The following TMEM178B variants were observed in gnomAD, a reference collection of about 807,000 sequenced individuals.
The protein encoded by TMEM178B is transmembrane protein 178B.
A neutral mutation model predicts 31.0 loss-of-function variants in TMEM178B; 5 were observed. That is an observed-to-expected ratio of 0.16 (90% confidence interval 0.08 to 0.34). The LOEUF (loss-of-function observed/expected upper bound fraction) is 0.34. Among genes scored for constraint, TMEM178B ranks in the 10% least tolerant of loss-of-function variants. TMEM178B has a pLI of 1.00. For missense variants in TMEM178B, 275 were observed against 400.3 expected (o/e 0.69, Z 2.67); for synonymous variants, 164 against 164.0 (o/e 1.00, Z 0.00).
chr7:141,084,667 C>T (rs1473794430), intron 1 of TMEM178B, among the ~76,000 whole-genome samples: 1 of 152,064 alleles, frequency 6.6e-6, no homozygotes, highest in Non-Finnish European at 1.5e-5. Flanking sequence ...AAGTTATGAG[C>T]CCCGACTAGG....
At chr7:141,190,494 A>G (rs1199326410) in intron 1 of TMEM178B, among the ~76,000 whole-genome samples, 1 of 151,262 alleles carries the variant, frequency 6.6e-6, no homozygotes, top group East Asian at 1.9e-4. Context: ...TTTTTTATAT[A>G]GAGATGAAGG....
chr7:141,257,930 T>C (rs1020757898), intron 2 of TMEM178B, among the ~76,000 whole-genome samples: 1 of 151,790 alleles, frequency 6.6e-6, no homozygotes, highest in Non-Finnish European at 1.5e-5. Context: ...CCTTACTTCC[T>C]TTTTTGTTTA....
intron 1 of TMEM178B, among the ~76,000 whole-genome samples, chr7:141,100,033 A>C (rs1419702485): frequency 1.3e-5 from 2 of 151,906 alleles, no homozygotes; most frequent in Non-Finnish European, 2.9e-5. Context: ...GTTAGCCAGG[A>C]TGGTCTCGAT....
At chr7:141,435,256 T>G (rs1489084187) in intron 2 of TMEM178B, among the ~76,000 whole-genome samples, 2 of 152,242 alleles carry the variant, frequency 1.3e-5, no homozygotes, top group African/African-American at 2.4e-5. Context: ...GATTAAATAC[T>G]TAAACGCAAA....
intron 1 of TMEM178B, among the ~76,000 whole-genome samples, chr7:141,102,244 A>G (rs989367278): frequency 1.3e-5 from 2 of 152,206 alleles, no homozygotes; most frequent in African/African-American, 4.8e-5. Context: ...CGATAGAGAA[A>G]GTACTGTTTT....
At chr7:141,241,726 A>G (rs1036896493) in intron 2 of TMEM178B, among the ~76,000 whole-genome samples, 1 of 152,086 alleles carries the variant, frequency 6.6e-6, no homozygotes, top group Non-Finnish European at 1.5e-5. Context: ...CCTTCAGAAT[A>G]GGCCTGGCTA....
intron 1 of TMEM178B, among the ~76,000 whole-genome samples, chr7:141,124,805 A>G (rs1795463312): frequency 6.6e-6 from 1 of 152,238 alleles, no homozygotes; most frequent in Non-Finnish European, 1.5e-5. Context: ...AAAAAAACAT[A>G]CACTGTGTGA....
At chr7:141,263,851 G>A (rs1019452743) in intron 2 of TMEM178B, among the ~76,000 whole-genome samples, 12 of 152,216 alleles carry the variant, frequency 7.9e-5, no homozygotes, top group African/African-American at 2.7e-4. Flanking sequence ...TCTGTAGAAG[G>A]ATGCATAGAA....
chr7:141,439,611 G>A (rs950420312), intron 3 of TMEM178B, among the ~76,000 whole-genome samples: 7 of 152,220 alleles, frequency 4.6e-5, no homozygotes, highest in Non-Finnish European at 8.8e-5. Flanking sequence ...GAGCAGCTCT[G>A]TTTGTAGTGA....
intron 2 of TMEM178B, among the ~76,000 whole-genome samples, chr7:141,279,412 G>A (rs369345916): frequency 3.3e-5 from 5 of 152,136 alleles, no homozygotes; most frequent in African/African-American, 9.7e-5. Flanking sequence ...GTAATAAGCT[G>A]GCACTCCTTT....
At chr7:141,384,755 A>G (rs972246089) in intron 2 of TMEM178B, among the ~76,000 whole-genome samples, 1 of 152,200 alleles carries the variant, frequency 6.6e-6, no homozygotes, top group African/African-American at 2.4e-5. Flanking sequence ...TCTGTGAAGA[A>G]AGTCATTGGT....
At chr7:141,245,608 C>T (rs1419935546) in intron 2 of TMEM178B, among the ~76,000 whole-genome samples, 1 of 152,210 alleles carries the variant, frequency 6.6e-6, no homozygotes, top group Non-Finnish European at 1.5e-5. Flanking sequence ...CCTGCAAACT[C>T]TCTCATTTCT....
downstream of TMEM178B, among the ~76,000 whole-genome samples, chr7:141,484,554 T>TTTTG (rs201262311): frequency 2.4e-4 from 36 of 152,200 alleles, no homozygotes; most frequent in Non-Finnish European, 3.7e-4. This position sits in a 1 kb window ranked among gnomAD's most constrained non-coding sequence, Gnocchi z 4.8. Flanking sequence ...AGGTTTTTGT[T>TTTTG]TTTGTTTGTT....
chr7:141,174,159 G>A (rs979239852), intron 1 of TMEM178B, among the ~76,000 whole-genome samples: 1 of 151,706 alleles, frequency 6.6e-6, no homozygotes, highest in African/African-American at 2.4e-5. Context: ...TCCCCTCCCT[G>A]TGTCCATGTG....
intron 2 of TMEM178B, among the ~76,000 whole-genome samples, chr7:141,313,427 C>T (rs1439808888): frequency 1.3e-5 from 2 of 152,196 alleles, no homozygotes; most frequent in Non-Finnish European, 2.9e-5. Context: ...GATCTGTCTC[C>T]TTTCCCTTGA....
At chr7:141,400,783 T>TG (rs1204803831) in intron 2 of TMEM178B, among the ~76,000 whole-genome samples, 7 of 151,948 alleles carry the variant, frequency 4.6e-5, no homozygotes, top group Non-Finnish European at 4.4e-5. Context: ...AGTAGTAGAG[T>TG]GGGGAAGTAT....
At chr7:141,287,032 G>C (rs1231067039) in intron 2 of TMEM178B, among the ~76,000 whole-genome samples, 2 of 152,052 alleles carry the variant, frequency 1.3e-5, no homozygotes, top group Non-Finnish European at 2.9e-5. Flanking sequence ...TCTCTTTTGG[G>C]TCTAGTCTCA....
intron 2 of TMEM178B, among the ~76,000 whole-genome samples, chr7:141,331,134 T>TA (rs1259117798): frequency 2.0e-5 from 3 of 152,174 alleles, no homozygotes; most frequent in African/African-American, 7.2e-5. Flanking sequence ...GTGGAGCTAT[T>TA]AAGTAGGCAA....
At chr7:141,229,135 CTT>C (rs1563125056) in intron 2 of TMEM178B, among the ~76,000 whole-genome samples, 1 of 100,580 alleles carries the variant, frequency 9.9e-6, no homozygotes, top group Non-Finnish European at 2.2e-5. Flanking sequence ...GTGTGTGAAA[CTT>C]TTTTTTCATG....
Sources: gnomAD v4.1 joint callset for allele counts (sites outside exome capture counted in the v4.1 genomes callset) on GRCh38, gnomAD v4.1.1 for gene constraint, Gnocchi (gnomAD v3.1) non-coding constraint, MANE v1.5 for transcripts, NCBI Gene and HGNC (gene_info 2026-07-23, HGNC 2026-07-21) for gene names.